ZNF385D: variants seen among roughly 807,000 people sequenced by gnomAD.
ZNF385D encodes the protein zinc finger protein 385D.
In ZNF385D, 15 loss-of-function variants were observed where a neutral mutation model predicts 35.8. The ratio of observed to expected loss-of-function variants is 0.42; its 90% CI spans 0.28 to 0.64. The LOEUF (loss-of-function observed/expected upper bound fraction) is 0.64. ZNF385D is among the 30% of genes least tolerant of loss of function. ZNF385D has a pLI of 0.23. For missense variants in ZNF385D, 474 were observed against 494.6 expected (o/e 0.96, Z 0.39); for synonymous variants, 212 against 186.8 (o/e 1.13, Z -1.10).
intron 3 of ZNF385D, among the ~76,000 whole-genome samples, chr3:22,080,460 G>A (rs560946170): frequency 6.6e-6 from 1 of 152,112 alleles, no homozygotes; most frequent in Non-Finnish European, 1.5e-5. Context: ...AAACTCATAA[G>A]CTTTGAAGGA....
intron 3 of ZNF385D, among the ~76,000 whole-genome samples, chr3:21,952,397 T>A (rs1164366052): frequency 1.3e-5 from 2 of 152,024 alleles, no homozygotes; most frequent in Non-Finnish European, 2.9e-5. Flanking sequence ...AGGAGAGGCA[T>A]CAATCAACAT....
chr3:22,338,920 C>T (rs144448871), intron 2 of ZNF385D, among the ~76,000 whole-genome samples: 1 of 151,856 alleles, frequency 6.6e-6, no homozygotes, highest in East Asian at 1.9e-4. Flanking sequence ...AGGCTCGTCT[C>T]GAACTCCTGA....
At chr3:21,858,877 C>T (rs551991113) in intron 3 of ZNF385D, among the ~76,000 whole-genome samples, 22 of 152,064 alleles carry the variant, frequency 1.4e-4, no homozygotes, top group African/African-American at 5.1e-4. Context: ...GCTGCTCACT[C>T]ACCTCACAGT....
In ZNF385D at chr3:21,419,715, T is replaced by C. The variant is rs1462317096; in HGVS notation, c.*1499A>G. On this transcript the variant is annotated 3_prime_UTR_variant, in exon 8 of 8. Transcript: ENST00000281523. Reference sequence around the variant, plus strand: ...TATGGGAAAAAGCAAATAGCCTTTATCACAAATTAAAGGCACAGCTATTTT... The same window carrying C: ...TATGGGAAAAAGCAAATAGCCTTTACCACAAATTAAAGGCACAGCTATTTT... The C allele has an allele frequency of 6.6e-6, 1 of 152,114 alleles. No individual in the cohort carries two copies. Among genetic ancestry groups the C allele is most frequent in the African/African-American group, 2.4e-5 (1 of 41,428 alleles). 9.4% of individuals were successfully genotyped at this position (152,114 alleles called of 1,614,324 possible).
chr3:21,578,358 T>G (rs972044612), intron 2 of ZNF385D, among the ~76,000 whole-genome samples: 6 of 152,196 alleles, frequency 3.9e-5, no homozygotes, highest in African/African-American at 1.4e-4. Flanking sequence ...TATTTTTGCC[T>G]TTGTTGACTG....
chr3:22,091,496 G>A (rs754278225), intron 3 of ZNF385D, among the ~76,000 whole-genome samples: 9 of 152,096 alleles, frequency 5.9e-5, no homozygotes, highest in Non-Finnish European at 1.3e-4. Flanking sequence ...ACCCTGGTCT[G>A]TAGAGATCTT....
At chr3:21,764,985 T>A (rs532878197) in intron 3 of ZNF385D, among the ~76,000 whole-genome samples, 2 of 152,276 alleles carry the variant, frequency 1.3e-5, no homozygotes, top group South Asian at 2.1e-4. Context: ...TTGAGACGTA[T>A]CCTTAGACTG....
chr3:21,898,377 G>A (rs1699241709), intron 3 of ZNF385D, among the ~76,000 whole-genome samples: 1 of 152,006 alleles, frequency 6.6e-6, no homozygotes, highest in Non-Finnish European at 1.5e-5. Context: ...TTTGATTTCT[G>A]GAGAGTTTCA....
intron 3 of ZNF385D, among the ~76,000 whole-genome samples, chr3:22,081,733 T>G (rs768614763): frequency 6.6e-6 from 1 of 152,176 alleles, no homozygotes; most frequent in Non-Finnish European, 1.5e-5. Context: ...GGCAGAGTAG[T>G]TATGACAAAG....
intron 3 of ZNF385D, among the ~76,000 whole-genome samples, chr3:21,811,930 T>C (rs2072937497): frequency 6.6e-6 from 1 of 152,106 alleles, no homozygotes; most frequent in Non-Finnish European, 1.5e-5. Context: ...AACACACAAA[T>C]AGAGACAACA....
intron 3 of ZNF385D, among the ~76,000 whole-genome samples, chr3:22,139,337 T>G (rs1704349821): frequency 1.3e-5 from 2 of 152,196 alleles, no homozygotes; most frequent in Non-Finnish European, 2.9e-5. Context: ...GCGGCAGTAT[T>G]CACAATAGCA....
chr3:21,608,260 T>G (rs1449410384), intron 2 of ZNF385D, among the ~76,000 whole-genome samples: 1 of 152,012 alleles, frequency 6.6e-6, no homozygotes, highest in Non-Finnish European at 1.5e-5. Context: ...CCGCCCACCT[T>G]GGCCTCCTAA....
rs140280153 is a variant in ZNF385D, at chr3:21,781,271, G to T, written c.326-116243C>A. Among the ~76,000 whole-genome samples the T allele has an allele frequency of 1.6e-3, 241 of 152,118 alleles. 1 individual carries two copies. The highest frequency in any genetic ancestry group is 5.6e-3 in the African/African-American group (233 of 41,510). On this transcript the variant is annotated intron_variant, in intron 3 of 5. Coordinates refer to the ZNF385D transcript ENST00000494108. ...GGAAAGAAAAAATAATATTTTCAGA[G>T]GATACATAGTCAGGAAGAGTAAGCG...
At chr3:21,888,518 A>G (rs1698671896) in intron 3 of ZNF385D, among the ~76,000 whole-genome samples, 1 of 152,092 alleles carries the variant, frequency 6.6e-6, no homozygotes, top group Non-Finnish European at 1.5e-5. Context: ...AGAATCAAAC[A>G]CCAGAAGGAA....
intron 1 of ZNF385D, among the ~76,000 whole-genome samples, chr3:21,666,967 CT>C (rs1380519490): frequency 6.6e-6 from 1 of 152,000 alleles, no homozygotes; most frequent in African/African-American, 2.4e-5. Context: ...ATCCCAGCTA[CT>C]TGGGAGGCTG....
At chr3:21,454,523 A>G (rs1559461645) in intron 4 of ZNF385D, among the ~76,000 whole-genome samples, 1 of 152,056 alleles carries the variant, frequency 6.6e-6, no homozygotes, top group Non-Finnish European at 1.5e-5. Flanking sequence ...CAAGCATTCC[A>G]AGCATGCTCC....
In ZNF385D at chr3:22,225,274, C is replaced by T. The variant is rs375269078; in HGVS notation, c.107-56239G>A. ...GACACTGTTGGTGCCCCATGTATATCCCGTCACCCTTGCTACTTCACTGAG... is the reference window on the plus strand; with the variant it reads ...GACACTGTTGGTGCCCCATGTATATTCCGTCACCCTTGCTACTTCACTGAG... On this transcript the variant is annotated intron_variant, in intron 2 of 5. Coordinates refer to the ZNF385D transcript ENST00000494108. 1.3e-3 allele frequency among the ~76,000 whole-genome samples: 203 copies of T among 152,162 alleles called. 1 individual carries two copies. The highest frequency in any genetic ancestry group is 2.2e-3 in the Non-Finnish European group (152 of 68,008).
intron 4 of ZNF385D, among the ~76,000 whole-genome samples, chr3:21,444,715 T>C (rs1461461169): frequency 6.6e-6 from 1 of 152,166 alleles, no homozygotes; most frequent in Admixed American, 6.6e-5. Flanking sequence ...CAAAGATCAA[T>C]TAGCTTCATA....
chr3:21,525,511 C>A (rs1014922773), intron 3 of ZNF385D, among the ~76,000 whole-genome samples: 10 of 151,612 alleles, frequency 6.6e-5, no homozygotes, highest in Non-Finnish European at 1.2e-4. Context: ...ATGGAGAAAC[C>A]CCGTCTCTAC....
Sources: allele counts gnomAD v4.1 joint callset (sites outside exome capture counted in the v4.1 genomes callset), GRCh38; gene constraint gnomAD v4.1.1; transcripts MANE v1.5; gene names NCBI Gene and HGNC (gene_info 2026-07-23, HGNC 2026-07-21).